The following MOK variants were observed in gnomAD, a reference collection of about 807,000 sequenced individuals.
MOK encodes MAPK/MAK/MRK overlapping kinase.
MOK carries 59 observed loss-of-function variants against 54.2 expected under a neutral mutation model. The ratio of observed to expected loss-of-function variants is 1.09; its 90% CI spans 0.88 to 1.35. The LOEUF is 1.35. MOK is among the 40% of genes most tolerant of loss of function. The probability of loss-of-function intolerance (pLI) is 0.00; values close to 1 mark genes in which losing one functional copy is unlikely to be tolerated. For synonymous variants in MOK, 210 were observed against 202.7 expected (o/e 1.04, Z -0.31); for missense variants, 517 against 526.2 (o/e 0.98, Z 0.17).
chr14:102,248,638 C>T (rs1005276117), intron 7 of MOK, among the ~76,000 whole-genome samples: 4 of 151,938 alleles, frequency 2.6e-5, no homozygotes, highest in African/African-American at 7.3e-5. Context: ...ATTAGCCGGG[C>T]GTGCTGGCGG....
chr14:102,305,001 C>G lies in MOK; in HGVS notation c.-33G>C. 2 of 1,608,430 alleles carry G rather than the reference C, an allele frequency of 1.2e-6. No homozygotes were observed. The highest frequency in any genetic ancestry group is 2.2e-5 in the South Asian group (2 of 89,658). ...GCGGAAGCCGGTGACAACCCCTTGC[C>G]GACACTGGACGGAAAAGAAAGAAGC... On this transcript the variant is annotated 5_prime_UTR_variant, in exon 1 of 12. Coordinates refer to ENST00000361847, the MANE Select transcript of MOK (RefSeq NM_014226.3).
In MOK at chr14:102,258,998, G is replaced by A. The variant is rs558170924; in HGVS notation, c.283+4548C>T. On this transcript the variant is annotated intron_variant, in intron 4 of 11. Transcript: ENST00000361847. ...GGAGAATCGCTTGAACCCAGGAGACGGAGGATGCAGTGAGCTGAGATCGTG... is the reference window on the plus strand; with the variant it reads ...GGAGAATCGCTTGAACCCAGGAGACAGAGGATGCAGTGAGCTGAGATCGTG... 4.0e-5 allele frequency among the ~76,000 whole-genome samples: 6 copies of A among 151,798 alleles called. No homozygotes were observed. In the South Asian group the frequency reaches 6.3e-4, roughly 16 times the overall value.
At chr14:102,256,262 G>A (rs773405658) in intron 4 of MOK, among the ~76,000 whole-genome samples, 9 of 151,648 alleles carry the variant, frequency 5.9e-5, no homozygotes, top group Non-Finnish European at 1.2e-4. Flanking sequence ...ACACCCGGAT[G>A]CTTTTTTTTT....
intron 2 of MOK, among the ~76,000 whole-genome samples, chr14:102,276,175 T>C (rs1288499445): frequency 2.0e-5 from 3 of 152,132 alleles, no homozygotes; most frequent in African/African-American, 7.2e-5. Flanking sequence ...ACTTTCATTC[T>C]TTGCCGGTGG....
At chr14:102,247,301 A>G (rs866647436) in intron 7 of MOK, 1 of 152,226 alleles carries the variant, frequency 6.6e-6, no homozygotes. Context: ...TTTTTAGCAT[A>G]CACAACCAGT....
the MOK span, among the ~76,000 whole-genome samples, chr14:102,219,021 C>T: frequency 9.5e-3 from 1,442 of 152,292 alleles, 26 homozygotes; most frequent in African/African-American, 0.032. Flanking sequence ...GAAGAGCAGG[C>T]GGATTGGGGC....
At chr14:102,287,475 G>A (rs552877986) in intron 1 of MOK, among the ~76,000 whole-genome samples, 22 of 152,172 alleles carry the variant, frequency 1.4e-4, no homozygotes, top group Admixed American at 2.0e-4. Context: ...GCATGGCAGC[G>A]CTATATATCT....
downstream of MOK, chr14:102,224,875 G>A (rs182038095): frequency 1.7e-4 from 75 of 444,116 alleles, no homozygotes; most frequent in African/African-American, 1.5e-3. Context: ...GACACATGCA[G>A]AGTGACCTCT....
In MOK at chr14:102,236,286, G is replaced by A. The variant is rs912056431; in HGVS notation, c.591-2497C>T. On this transcript the variant is annotated intron_variant, in intron 7 of 11. Coordinates refer to ENST00000361847, the MANE Select transcript of MOK (RefSeq NM_014226.3). The surrounding 1 kb of genome is among the most constrained non-coding windows in gnomAD (Gnocchi z 4.5). ...GCATTGGAGCCCAGGGTAACTCTGC[G>A]AGTAGCAGGTAAGCCGATCTCTTTT... 3.9e-5 allele frequency among the ~76,000 whole-genome samples: 6 copies of A among 152,206 alleles called. No individual in the cohort carries two copies. The highest frequency in any genetic ancestry group is 7.2e-5 in the African/African-American group (3 of 41,452).
intron 1 of MOK, among the ~76,000 whole-genome samples, chr14:102,284,568 G>A (rs776468743): frequency 2.0e-5 from 3 of 152,150 alleles, no homozygotes; most frequent in Admixed American, 6.6e-5. Flanking sequence ...CTCACCAGTT[G>A]TAAAAGTTTC....
At chr14:102,227,190 TAAAG>T (rs1294519812), downstream of MOK, among the ~76,000 whole-genome samples, 1 of 152,124 alleles carries the variant, frequency 6.6e-6, no homozygotes, top group African/African-American at 2.4e-5. Context: ...TTTATAGACA[TAAAG>T]AGAGTAACAC....
chr14:102,294,435 G>A (rs2071202515), intron 1 of MOK, among the ~76,000 whole-genome samples: 1 of 145,732 alleles, frequency 6.9e-6, no homozygotes, highest in Non-Finnish European at 1.5e-5. Context: ...GATAGAGCGA[G>A]ACTCCGTCTC....
intron 4 of MOK, among the ~76,000 whole-genome samples, 198 bp from the exon 5 acceptor site, chr14:102,252,193 G>A (rs552691154): frequency 1.3e-5 from 2 of 152,166 alleles, no homozygotes; most frequent in Admixed American, 1.3e-4. Context: ...GGCCAGGGGC[G>A]GTGGCTCACA....
intron 1 of MOK, among the ~76,000 whole-genome samples, chr14:102,290,641 C>T (rs1356048805): frequency 6.6e-6 from 1 of 152,150 alleles, no homozygotes; most frequent in Non-Finnish European, 1.5e-5. Context: ...GGAAGGGCTG[C>T]TCTCCATTAC....
downstream of MOK, chr14:102,225,956 CG>C (rs1353264203): frequency 3.7e-6 from 1 of 273,728 alleles, no homozygotes; most frequent in African/African-American, 2.3e-5. Flanking sequence ...GGAGAATGCA[CG>C]GGGATTAGGC....
the MOK span, among the ~76,000 whole-genome samples, chr14:102,215,919 C>A: frequency 9.9e-5 from 15 of 152,204 alleles, no homozygotes; most frequent in Non-Finnish European, 1.8e-4. Context: ...AGGCCTACCC[C>A]CCTGCCTGAG....
At chr14:102,302,737 T>C (rs1231029917) in intron 1 of MOK, among the ~76,000 whole-genome samples, 2 of 151,876 alleles carry the variant, frequency 1.3e-5, no homozygotes, top group African/African-American at 2.4e-5. Flanking sequence ...TATTTCTATA[T>C]AGGTATACAC....
intron 3 of MOK, chr14:102,264,529 A>G (rs1332324137): frequency 2.0e-5 from 3 of 152,084 alleles, no homozygotes; most frequent in African/African-American, 7.2e-5. Flanking sequence ...GGTGCCTCCA[A>G]TCTGGCTGGA....
the MOK span, among the ~76,000 whole-genome samples, chr14:102,215,920 C>T: frequency 6.6e-6 from 1 of 152,212 alleles, no homozygotes; most frequent in African/African-American, 2.4e-5. Flanking sequence ...GGCCTACCCC[C>T]CTGCCTGAGG....
Sources: gnomAD v4.1 joint callset for allele counts (sites outside exome capture counted in the v4.1 genomes callset) on GRCh38, gnomAD v4.1.1 for gene constraint, Gnocchi (gnomAD v3.1) non-coding constraint, MANE v1.5 for transcripts, NCBI Gene and HGNC (gene_info 2026-07-23, HGNC 2026-07-21) for gene names.